Variants in KLRG1 observed in about 807,000 individuals in gnomAD.
The protein encoded by KLRG1 is killer cell lectin-like receptor subfamily G member 1.
In KLRG1, 16 loss-of-function variants were observed where a neutral mutation model predicts 21.8. The observed-to-expected ratio is 0.73, with a 90% CI of 0.50 to 1.11. The LOEUF is 1.11. Ranked by LOEUF, KLRG1 falls within the 50% of genes most tolerant of loss-of-function variation. KLRG1 has a pLI of 0.00. For synonymous variants in KLRG1, 69 were observed against 75.9 expected (o/e 0.91, Z 0.47); for missense variants, 173 against 218.3 (o/e 0.79, Z 1.31).
the KLRG1 span, among the ~76,000 whole-genome samples, chr12:9,027,217 C>T: frequency 2.6e-5 from 4 of 151,288 alleles, no homozygotes; most frequent in African/African-American, 9.7e-5. Context: ...TATTCAGCCT[C>T]ACGATCAGAC....
chr12:9,145,514 A>T, the KLRG1 span, among the ~76,000 whole-genome samples: 2 of 152,160 alleles, frequency 1.3e-5, no homozygotes, highest in African/African-American at 4.8e-5. Flanking sequence ...GTTTTAAAAC[A>T]TATTTTAGTT....
Position 9,009,416 on chromosome 12 carries a change from T to C in KLRG1, c.459-10T>C. On this transcript the variant is annotated splice_polypyrimidine_tract_variant and intron_variant, in intron 4 of 4. Transcript: ENST00000356986. ...GGCCTTAAGTGATTGACTTTTCTGA[T>C]TTCTTACAGGATTTCTTCTAATAGC... The C allele has an allele frequency of 6.2e-7, 1 of 1,613,706 alleles. No individual in the cohort carries two copies. The highest frequency in any genetic ancestry group is 1.1e-5 in the South Asian group (1 of 91,062).
intron 1 of KLRG1, 71 bp downstream of exon 1, chr12:8,989,788 T>G (rs756593548): frequency 3.6e-5 from 31 of 859,568 alleles, no homozygotes; most frequent in Middle Eastern, 2.2e-4. Context: ...GGGAGTAGAA[T>G]AAGTTTAAAG....
chr12:9,040,882 T>C, the KLRG1 span, among the ~76,000 whole-genome samples: 1 of 152,216 alleles, frequency 6.6e-6, no homozygotes, highest in Non-Finnish European at 1.5e-5. Context: ...AGTTGTTCAA[T>C]GGGAATGTCA....
the KLRG1 span, among the ~76,000 whole-genome samples, chr12:9,171,387 T>C: frequency 0.73 from 110,921 of 152,160 alleles, 40,767 homozygotes; most frequent in East Asian, 0.87. Flanking sequence ...GGTAGATAAG[T>C]TCACAAAGAT....
chr12:8,996,310 A>G (rs1386642958), intron 3 of KLRG1, among the ~76,000 whole-genome samples: 1 of 152,166 alleles, frequency 6.6e-6, no homozygotes, highest in Non-Finnish European at 1.5e-5. Context: ...TGCCTAGTAT[A>G]AAAATCAATC....
chr12:9,041,735 C>A, the KLRG1 span, among the ~76,000 whole-genome samples: 25 of 152,312 alleles, frequency 1.6e-4, no homozygotes, highest in African/African-American at 5.3e-4. Context: ...GCATCCTAAT[C>A]AAATCTTCAG....
At chr12:9,114,244 A>G in the KLRG1 span, among the ~76,000 whole-genome samples, 1 of 152,244 alleles carries the variant, frequency 6.6e-6, no homozygotes, top group Non-Finnish European at 1.5e-5. Context: ...TGTGCAGTAC[A>G]GAAACTTTCT....
the KLRG1 span, chr12:9,208,439 C>A: frequency 1.1e-6 from 1 of 873,154 alleles, no homozygotes; most frequent in Non-Finnish European, 1.9e-6. Flanking sequence ...CCACTATGTA[C>A]AAACAAGCCC....
chr12:9,075,841 C>T, the KLRG1 span, among the ~76,000 whole-genome samples: 4 of 152,094 alleles, frequency 2.6e-5, no homozygotes, highest in East Asian at 1.9e-4. Flanking sequence ...TTTCCCATGT[C>T]GGTAATTTTC....
At chr12:9,090,455 C>T in the KLRG1 span, 3 of 1,613,864 alleles carry the variant, frequency 1.9e-6, no homozygotes, top group African/African-American at 1.3e-5. Context: ...GCTAGGAAGG[C>T]GGGAGAGGCT....
At chr12:9,158,605 G>A in the KLRG1 span, 1 of 1,610,492 alleles carries the variant, frequency 6.2e-7, no homozygotes, top group African/African-American at 1.3e-5. Flanking sequence ...CAGTGCTGAG[G>A]CTCTTTTCAT....
the KLRG1 span, chr12:9,099,558 A>G: frequency 6.3e-7 from 1 of 1,585,298 alleles, no homozygotes; most frequent in African/African-American, 1.3e-5. Flanking sequence ...AAGCCATCAT[A>G]GGTTAATGAC....
the KLRG1 span, chr12:9,110,275 T>C: frequency 2.1e-6 from 3 of 1,419,788 alleles, no homozygotes; most frequent in Middle Eastern, 1.7e-4. Context: ...CCTATATGTA[T>C]TGCTTTCCTT....
chr12:9,189,333 T>G, the KLRG1 span, among the ~76,000 whole-genome samples: 85,204 of 151,898 alleles, frequency 0.56, 23,928 homozygotes, highest in Admixed American at 0.63. Context: ...GCAGAGACCA[T>G]AAATAATGCT....
the KLRG1 span, chr12:9,157,784 T>C: frequency 6.2e-7 from 1 of 1,614,046 alleles, no homozygotes. Context: ...GGGAGAGGAA[T>C]TTCCAGAAGG....
intron 1 of KLRG1, among the ~76,000 whole-genome samples, chr12:8,978,665 T>C (rs973900426): frequency 6.6e-6 from 1 of 150,656 alleles, no homozygotes; most frequent in African/African-American, 2.4e-5. Flanking sequence ...TCTTTCTTTC[T>C]TTCTTTCTTT....
the KLRG1 span, among the ~76,000 whole-genome samples, chr12:9,172,039 A>G: frequency 6.6e-6 from 1 of 152,176 alleles, no homozygotes; most frequent in Non-Finnish European, 1.5e-5. Flanking sequence ...ACACAAAATC[A>G]TCAGATTCTC....
the KLRG1 span, chr12:9,194,200 A>T: frequency 6.2e-7 from 1 of 1,614,088 alleles, no homozygotes. Flanking sequence ...AGAAGAGTTT[A>T]TTGGGGATGG....
Sources: allele counts gnomAD v4.1 joint callset (sites outside exome capture counted in the v4.1 genomes callset), GRCh38; gene constraint gnomAD v4.1.1; transcripts MANE v1.5; gene names NCBI Gene and HGNC (gene_info 2026-07-23, HGNC 2026-07-21).